Variants in LCMT1 observed in about 807,000 individuals in gnomAD.
LCMT1 encodes the protein [Phosphatase 2A protein]-leucine-carboxy methyltransferase 1.
In LCMT1, 32 loss-of-function variants were observed where a neutral mutation model predicts 47.7. That is an observed-to-expected ratio of 0.67 (90% CI 0.51 to 0.90). The LOEUF (loss-of-function observed/expected upper bound fraction) is 0.90. Ranked by LOEUF, LCMT1 falls within the 40% of genes least tolerant of loss-of-function variation. LCMT1 has a pLI of 0.00. For synonymous variants in LCMT1, 152 were observed against 149.7 expected (o/e 1.02, Z -0.11); for missense variants, 375 against 415.2 (o/e 0.90, Z 0.84).
At chr16:25,131,319 C>T (rs1232821987) in intron 2 of LCMT1, among the ~76,000 whole-genome samples, 1 of 152,272 alleles carries the variant, frequency 6.6e-6, no homozygotes, top group Non-Finnish European at 1.5e-5. Flanking sequence ...ACCCCACGCC[C>T]TGGCGGCACC....
intron 5 of LCMT1, among the ~76,000 whole-genome samples, chr16:25,159,948 TA>T (rs1163611400): frequency 5.5e-5 from 7 of 126,878 alleles, no homozygotes; most frequent in Admixed American, 4.7e-4. Context: ...TTTCTTTCTT[TA>T]AAAAAAAATT....
chr16:25,133,538 A>G (rs1567313173), intron 3 of LCMT1, among the ~76,000 whole-genome samples: 2 of 151,330 alleles, frequency 1.3e-5, no homozygotes, highest in African/African-American at 4.9e-5. Flanking sequence ...AGCTTGGACT[A>G]CAGGTGCACA....
intron 3 of LCMT1, among the ~76,000 whole-genome samples, chr16:25,134,536 C>T (rs1960448114): frequency 6.6e-6 from 1 of 152,176 alleles, no homozygotes; most frequent in African/African-American, 2.4e-5. Flanking sequence ...TGCACACAGC[C>T]TCTGTGGTTT....
chr16:25,126,177 G>C lies in LCMT1; in HGVS notation c.114-2298G>C, dbSNP rs780011594. ...GGGAGCCGGTGGGAGTTGCTGGCTG[G>C]GTGTGTTTGCATTATGGACCCGTGC... On this transcript the variant is annotated intron_variant, in intron 1 of 10. Transcript: ENST00000399069. 9 of 1,338,438 alleles carry C rather than the reference G, an allele frequency of 6.7e-6. No homozygotes were observed. In the African/African-American group the frequency reaches 1.3e-4, roughly 20 times the overall value. The allele number at this position is 1,338,438 out of a possible 1,614,324, so 82.9% of individuals were successfully genotyped here. A position where few individuals can be genotyped will look rare whatever the true frequency, so the allele number is the denominator to read the frequency against.
chr16:25,120,202 T>G (rs1410546275), intron 1 of LCMT1, among the ~76,000 whole-genome samples: 1 of 151,026 alleles, frequency 6.6e-6, no homozygotes, highest in Non-Finnish European at 1.5e-5. Context: ...TGTCCATCAA[T>G]AAAGTGAAAT....
intron 1 of LCMT1, among the ~76,000 whole-genome samples, 155 bp from the exon 2 acceptor site, chr16:25,128,320 T>A (rs4787304): frequency 0.99 from 151,454 of 152,370 alleles, 75,279 homozygotes; most frequent in Middle Eastern, 1. Context: ...GCGTCTTCGC[T>A]TGTGTAACAG....
chr16:25,144,489 G>C (rs1252144219), intron 4 of LCMT1: 1 of 152,470 alleles, frequency 6.6e-6, no homozygotes, highest in African/African-American at 2.4e-5. Context: ...GCTGGAGTCT[G>C]TTTTGTGGGC....
intron 1 of LCMT1, among the ~76,000 whole-genome samples, chr16:25,120,286 C>G (rs550341743): frequency 6.7e-6 from 1 of 149,544 alleles, no homozygotes; most frequent in Non-Finnish European, 1.5e-5. Flanking sequence ...TGCAGTGGTG[C>G]GATCTCGGGT....
rs796095406 is a variant in LCMT1, at chr16:25,112,780, A to C, written c.113+784A>C. 1.1e-4 allele frequency among the ~76,000 whole-genome samples: 17 copies of C among 152,254 alleles called. 1 individual carries two copies. Among genetic ancestry groups the C allele is most frequent in the African/African-American group, 4.1e-4 (17 of 41,542 alleles). ...ATTACCTATGAAATATATAATTATG[A>C]TTTTTTTGTGTTGAGTGCTGACAAA... On this transcript the variant is annotated intron_variant, in intron 1 of 10. Transcript: ENST00000399069.
At chr16:25,120,731 G>GTTTTTTTGTTTTT (rs1303814911) in intron 1 of LCMT1, among the ~76,000 whole-genome samples, 2 of 132,404 alleles carry the variant, frequency 1.5e-5, no homozygotes, top group African/African-American at 2.9e-5. Context: ...ACCTGGCCTT[G>GTTTTTTTGTTTTT]TTTTTTTGTT....
At chr16:25,169,941 C>T (rs775458354) in intron 8 of LCMT1, among the ~76,000 whole-genome samples, 3 of 151,928 alleles carry the variant, frequency 2.0e-5, no homozygotes, top group South Asian at 2.1e-4. Flanking sequence ...TTTTTTTGGG[C>T]GGGCGCGGTG....
At chr16:25,144,249 A>T (rs887686732) in intron 4 of LCMT1, 2 of 152,166 alleles carry the variant, frequency 1.3e-5, no homozygotes, top group South Asian at 2.1e-4. Flanking sequence ...CTATACTTTG[A>T]GTTGGTGTAT....
At chr16:25,168,266 A>G (rs992440130) in intron 7 of LCMT1, among the ~76,000 whole-genome samples, 2 of 151,502 alleles carry the variant, frequency 1.3e-5, no homozygotes, top group Non-Finnish European at 2.9e-5. Context: ...CCAGGCTGGT[A>G]TTGAATTCCT....
chr16:25,136,168 C>A (rs1960498619), intron 3 of LCMT1, among the ~76,000 whole-genome samples: 1 of 151,588 alleles, frequency 6.6e-6, no homozygotes. Flanking sequence ...CTTGGTGTCT[C>A]CAGAATTCTG....
chr16:25,157,007 C>T (rs1037650904), intron 5 of LCMT1, among the ~76,000 whole-genome samples: 16 of 147,410 alleles, frequency 1.1e-4, no homozygotes, highest in African/African-American at 4.0e-4. Context: ...GGTCACTTTG[C>T]AATGCTTATC....
chr16:25,159,642 A>G lies in LCMT1; in HGVS notation c.467-1460A>G, dbSNP rs190366051. 2.0e-5 allele frequency among the ~76,000 whole-genome samples: 3 copies of G among 151,842 alleles called. No homozygotes were observed. The East Asian group carries it at 5.8e-4, about 29-fold the overall frequency. ...ACTTTGGGTTCCCTGCTTGCCCTTT[A>G]TTGCTTTCCTGACATCTAGCAGGCT... On this transcript the variant is annotated intron_variant, in intron 5 of 10. Transcript: ENST00000399069.
At chr16:25,144,139 G>A (rs1788583163) in intron 4 of LCMT1, 1 of 152,286 alleles carries the variant, frequency 6.6e-6, no homozygotes, top group Admixed American at 6.5e-5. Context: ...CCGCTTCCAG[G>A]AGAAGTTGGA....
At chr16:25,128,073 T>C (rs1960239995) in intron 1 of LCMT1, among the ~76,000 whole-genome samples, 1 of 152,228 alleles carries the variant, frequency 6.6e-6, no homozygotes, top group Non-Finnish European at 1.5e-5. Context: ...TGTTTCTAAG[T>C]CTCCCTTCCT....
chr16:25,117,664 C>G (rs1159216473), intron 1 of LCMT1, among the ~76,000 whole-genome samples: 1 of 152,026 alleles, frequency 6.6e-6, no homozygotes, highest in Non-Finnish European at 1.5e-5. Context: ...ACCAACCTGG[C>G]CAACATGGTG....
Sources: allele counts gnomAD v4.1 joint callset (sites outside exome capture counted in the v4.1 genomes callset), GRCh38; gene constraint gnomAD v4.1.1; transcripts MANE v1.5; gene names NCBI Gene and HGNC (gene_info 2026-07-23, HGNC 2026-07-21).